The following CHST9 variants were observed in gnomAD, a reference collection of about 807,000 sequenced individuals.
The protein encoded by CHST9 is GalNAc-4-sulfotransferase 2.
A neutral mutation model predicts 44.4 loss-of-function variants in CHST9; 41 were observed. The ratio of observed to expected loss-of-function variants is 0.92; its 90% confidence interval spans 0.72 to 1.20. CHST9 has a LOEUF of 1.20. Among genes scored for constraint, CHST9 ranks in the 50% most tolerant of loss-of-function variants. CHST9 has a pLI of 0.00. For synonymous variants in CHST9, 171 were observed against 178.4 expected, an observed-to-expected ratio of 0.96 and a Z score of 0.33; for missense variants, 504 against 516.5, an observed-to-expected ratio of 0.98 and a Z score of 0.23.
intron 4 of CHST9, among the ~76,000 whole-genome samples, chr18:27,016,524 G>A (rs1003495753): frequency 6.6e-5 from 10 of 152,136 alleles, no homozygotes; most frequent in Admixed American, 1.3e-4. Context: ...AAAACTGTAC[G>A]TTTGTTTACT....
chr18:27,011,869 G>A (rs549133506), intron 4 of CHST9, among the ~76,000 whole-genome samples: 1 of 152,146 alleles, frequency 6.6e-6, no homozygotes, highest in Non-Finnish European at 1.5e-5. Flanking sequence ...GCTGGCCACT[G>A]GTGATTCCTG....
intron 1 of CHST9, among the ~76,000 whole-genome samples, chr18:27,169,468 T>G (rs909376617): frequency 6.6e-6 from 1 of 152,162 alleles, no homozygotes; most frequent in Non-Finnish European, 1.5e-5. Flanking sequence ...ATGTACTTCT[T>G]TCAGTATTTG....
At chr18:26,969,861 A>G (rs1271474681) in intron 4 of CHST9, among the ~76,000 whole-genome samples, 2 of 147,086 alleles carry the variant, frequency 1.4e-5, no homozygotes, top group African/African-American at 5.3e-5. Flanking sequence ...TTGATACTTT[A>G]GTGTCTAAAA....
chr18:26,922,965 T>A (rs929434652), intron 5 of CHST9, among the ~76,000 whole-genome samples: 7 of 152,272 alleles, frequency 4.6e-5, no homozygotes, highest in African/African-American at 1.7e-4. Flanking sequence ...GGTTTCTGTA[T>A]CAAGCATATC....
chr18:27,084,977 T>C (rs2057997627), intron 2 of CHST9, among the ~76,000 whole-genome samples: 1 of 152,110 alleles, frequency 6.6e-6, no homozygotes, highest in Admixed American at 6.6e-5. Context: ...TTATTATTAA[T>C]TTCTATTTTT....
intron 5 of CHST9, among the ~76,000 whole-genome samples, chr18:26,922,789 C>T (rs546525357): frequency 1.2e-3 from 182 of 152,192 alleles, no homozygotes; most frequent in African/African-American, 4.2e-3. Flanking sequence ...GCGCATGCCA[C>T]CACACCCGGC....
intron 2 of CHST9, among the ~76,000 whole-genome samples, chr18:27,111,746 T>C (rs2058272403): frequency 6.6e-6 from 1 of 152,140 alleles, no homozygotes; most frequent in African/African-American, 2.4e-5. Flanking sequence ...GATTAGCACT[T>C]GTATTGGCAG....
chr18:27,106,972 C>T (rs1481319263), intron 2 of CHST9, among the ~76,000 whole-genome samples: 1 of 152,058 alleles, frequency 6.6e-6, no homozygotes, highest in African/African-American at 2.4e-5. Context: ...CACTGGAAGA[C>T]AATGCTGGAC....
intron 1 of CHST9, among the ~76,000 whole-genome samples, chr18:27,183,572 C>T (rs1262861708): frequency 6.6e-6 from 1 of 152,052 alleles, no homozygotes; most frequent in Non-Finnish European, 1.5e-5. Context: ...TTCTCGTTTT[C>T]TGGGGGCATT....
intron 1 of CHST9, among the ~76,000 whole-genome samples, chr18:27,173,837 T>A (rs1394107241): frequency 1.3e-5 from 2 of 152,050 alleles, no homozygotes; most frequent in African/African-American, 4.8e-5. Flanking sequence ...GAAAAATGTC[T>A]AGCCTACAGA....
intron 4 of CHST9, among the ~76,000 whole-genome samples, chr18:27,019,539 C>G (rs751676373): frequency 6.6e-6 from 1 of 151,688 alleles, no homozygotes; most frequent in African/African-American, 2.4e-5. Flanking sequence ...GGCCTAGAGA[C>G]GTAAAGGAGT....
intron 5 of CHST9, among the ~76,000 whole-genome samples, chr18:26,933,414 T>C (rs190178733): frequency 4.0e-3 from 607 of 152,342 alleles, no homozygotes; most frequent in South Asian, 6.8e-3. Context: ...GTATACTCAC[T>C]GAATGTGGCT....
intron 2 of CHST9, among the ~76,000 whole-genome samples, chr18:27,103,449 C>T (rs2058192292): frequency 6.6e-6 from 1 of 152,170 alleles, no homozygotes; most frequent in African/African-American, 2.4e-5. Context: ...CAGTCAAGGT[C>T]CCCCTCCACA....
intron 4 of CHST9, among the ~76,000 whole-genome samples, chr18:26,997,658 A>T (rs760979330): frequency 1.4e-4 from 21 of 152,236 alleles, no homozygotes; most frequent in Non-Finnish European, 2.6e-4. Context: ...CTTGGTGGCC[A>T]TTCCACGACA....
At chr18:27,156,176 G>A (rs2058697461) in intron 1 of CHST9, among the ~76,000 whole-genome samples, 1 of 150,628 alleles carries the variant, frequency 6.6e-6, no homozygotes, top group Admixed American at 6.6e-5. Context: ...AAAAAACAGT[G>A]AAAAAAGATG....
rs1157053645 is a variant in CHST9, at chr18:27,102,100, G to C, written c.121+40589C>G. On this transcript the variant is annotated intron_variant, in intron 2 of 5. Coordinates refer to ENST00000618847, the MANE Select transcript of CHST9 (RefSeq NM_031422.6). ...TGTTTTGTGTTTGGGTGTACACATG[G>C]GGCCATGAGTTGAGGTCAGTGTTTT... 2.6e-5 allele frequency among the ~76,000 whole-genome samples: 4 copies of C among 152,206 alleles called. No homozygotes were observed. The East Asian group carries it at 5.8e-4, about 22-fold the overall frequency.
intron 3 of CHST9, among the ~76,000 whole-genome samples, chr18:27,037,271 G>A (rs59471980): frequency 0.068 from 10,373 of 152,090 alleles, 442 homozygotes; most frequent in South Asian, 0.13. Context: ...ATCTTCCTTT[G>A]ACATTTTCTC....
At chr18:27,092,790 T>C (rs2058081917) in intron 2 of CHST9, among the ~76,000 whole-genome samples, 1 of 152,214 alleles carries the variant, frequency 6.6e-6, no homozygotes, top group African/African-American at 2.4e-5. Flanking sequence ...TCTAGTTTGA[T>C]TGCACTGTGG....
chr18:26,941,729 C>T (rs1042550721), intron 5 of CHST9, among the ~76,000 whole-genome samples: 3 of 152,168 alleles, frequency 2.0e-5, no homozygotes, highest in African/African-American at 7.2e-5. Context: ...CGTAAACAAG[C>T]TGCGTTAACA....
Sources: allele counts gnomAD v4.1 joint callset (sites outside exome capture counted in the v4.1 genomes callset), GRCh38; gene constraint gnomAD v4.1.1; transcripts MANE v1.5; gene names NCBI Gene and HGNC (gene_info 2026-07-23, HGNC 2026-07-21).